The following RUNDC3A variants were observed in gnomAD, a reference collection of about 807,000 sequenced individuals.
RUNDC3A encodes RUN domain-containing protein 3A.
Under a neutral mutation model 53.9 loss-of-function variants are expected in RUNDC3A, and 28 were observed. The observed-to-expected ratio is 0.52, with a 90% CI of 0.38 to 0.71. RUNDC3A has a LOEUF of 0.71. Among genes scored for constraint, RUNDC3A ranks in the 30% least tolerant of loss-of-function variants. The probability of loss-of-function intolerance (pLI) is 0.00; values close to 1 mark genes in which losing one functional copy is unlikely to be tolerated. For synonymous variants in RUNDC3A, 232 were observed against 249.4 expected (o/e 0.93, Z 0.66); for missense variants, 491 against 597.3 (o/e 0.82, Z 1.85).
intron 4 of RUNDC3A, 53 bp from the exon 5 acceptor site, chr17:44,314,682 G>GT (rs1393771783): frequency 1.9e-5 from 24 of 1,268,174 alleles, no homozygotes; most frequent in Non-Finnish European, 2.5e-5. Context: ...TCTGGGGGGG[G>GT]GGGGGGCGCT....
intron 1 of RUNDC3A, 74 bp downstream of exon 1, chr17:44,309,013 G>T: frequency 9.8e-7 from 1 of 1,020,196 alleles, no homozygotes. Flanking sequence ...AACCCGGACT[G>T]AGCGCTGCCG....
At chr17:44,317,658 C>T in intron 10 of RUNDC3A, 4 of 678,380 alleles carry the variant, frequency 5.9e-6, no homozygotes, top group Non-Finnish European at 1.1e-5. Flanking sequence ...TATTGGATGA[C>T]CCTAGATCTT....
chr17:44,316,573 A>C, intron 9 of RUNDC3A, 46 bp from the exon 10 acceptor site: 1 of 1,580,858 alleles, frequency 6.3e-7, no homozygotes, highest in Non-Finnish European at 8.6e-7. Flanking sequence ...CGTCCTGGGG[A>C]AGAAGGGCTT....
At chr17:44,316,820 CTTTTTTTTT>C (rs35019446) in intron 10 of RUNDC3A, 95 bp downstream of exon 10, 19 of 398,444 alleles carry the variant, frequency 4.8e-5, no homozygotes, top group Non-Finnish European at 6.9e-5. Context: ...TTCTCTTAGT[CTTTTTTTTT>C]TTTTTTTTTT....
chr17:44,312,944 T>C (rs2047779089), intron 2 of RUNDC3A, among the ~76,000 whole-genome samples, 160 bp from the exon 3 acceptor site: 1 of 152,230 alleles, frequency 6.6e-6, no homozygotes, highest in Admixed American at 6.5e-5. Flanking sequence ...ATCCCCATCA[T>C]GGGCAAGCGA....
At chr17:44,309,071 T>G in intron 1 of RUNDC3A, 132 bp downstream of exon 1, 1 of 636,788 alleles carries the variant, frequency 1.6e-6, no homozygotes, top group Non-Finnish European at 2.7e-6. Context: ...GCGTCCACTG[T>G]CCCTCCCAGG....
At position 44,315,003 on chromosome 17, in the gene RUNDC3A, C is replaced by T; in HGVS notation, c.623C>T (p.Thr208Met). 6.2e-7 allele frequency: 1 copy of T among 1,613,876 alleles called. No homozygotes were observed. The highest frequency in any genetic ancestry group is 1.1e-5 in the South Asian group (1 of 91,090). Reference protein sequence around the residue: ...VIDYTPYLKFTQSYDYLTDEE... With the variant: ...VIDYTPYLKFMQSYDYLTDEE... ...GATTACACGCCCTACCTAAAGTTCA[C>T]GCAGAGGTGAGCGGCTCCATGACTG... The change falls in exon 6 of 11, where the codon ACG (threonine) becomes ATG (methionine). Residue 208 changes from threonine (T) to methionine (M), a missense_variant. Thr to Met is a moderately conservative substitution (Grantham distance 81). Coordinates refer to ENST00000426726, the MANE Select transcript of RUNDC3A (RefSeq NM_001144825.2). The surrounding 1 kb of genome is among the most constrained non-coding windows in gnomAD (Gnocchi z 6.1).
At chr17:44,314,029 T>C in intron 4 of RUNDC3A, 2 of 991,966 alleles carry the variant, frequency 2.0e-6, no homozygotes, top group Non-Finnish European at 1.2e-6. Context: ...TAATGCCCAT[T>C]ATTTGCCATC....
At chr17:44,314,646 G>A in intron 4 of RUNDC3A, 89 bp from the exon 5 acceptor site, 5 of 1,538,990 alleles carry the variant, frequency 3.2e-6, no homozygotes, top group Non-Finnish European at 4.4e-6. Flanking sequence ...TTCAGGATGG[G>A]GTGGCAGTAA....
intron 1 of RUNDC3A, among the ~76,000 whole-genome samples, chr17:44,309,603 G>T (rs1446820897): frequency 2.0e-5 from 3 of 152,104 alleles, no homozygotes; most frequent in Admixed American, 2.0e-4. Context: ...AAGTGATCCT[G>T]TTCACTTCAA....
At position 44,318,391 on chromosome 17, in the gene RUNDC3A, T is replaced by G; in HGVS notation, c.*153T>G. 1.1e-6 allele frequency: 1 copy of G among 908,416 alleles called. No individual in the cohort carries two copies. The highest frequency in any genetic ancestry group is 1.6e-6 in the Non-Finnish European group (1 of 612,122). The allele number at this position is 908,416 out of a possible 1,614,324, so 56.3% of individuals were successfully genotyped here. A position where few individuals can be genotyped will look rare whatever the true frequency, so the allele number is the denominator to read the frequency against. ...CGGGGAAGATCTCGTCTGCTCACCT[T>G]AGCTTTCTGCCTTGGCAGCACGGGC... is the stretch of plus-strand genomic sequence containing the variant. On this transcript the variant is annotated 3_prime_UTR_variant, in exon 11 of 11. Transcript: ENST00000426726.
In RUNDC3A at chr17:44,318,229, C is replaced by T. The variant is rs1441080086; in HGVS notation, c.1332C>T (p.Ser444=). The change falls in exon 11 of 11, where the codon AGC becomes AGT. Residue 444 remains serine, a synonymous_variant. Transcript: ENST00000426726. ...GTCCCGAGGGCAGCCCAGCACTGAG[C>T]CCCAGCTGAGGAACAGCATGGGCAG... ...SDSPEGSPAL[S]PS 1 of 1,550,242 alleles carries T rather than the reference C, an allele frequency of 6.5e-7. No homozygotes were observed. Among genetic ancestry groups the T allele is most frequent in the African/African-American group, 1.4e-5 (1 of 73,036 alleles).
intron 1 of RUNDC3A, among the ~76,000 whole-genome samples, chr17:44,311,930 C>T (rs973290651): frequency 6.6e-6 from 1 of 152,270 alleles, no homozygotes; most frequent in African/African-American, 2.4e-5. Flanking sequence ...ACCCCACCCC[C>T]GCCCAGCTCT....
At position 44,318,327 on chromosome 17, in the gene RUNDC3A, C is replaced by A. The variant is rs2047916978; in HGVS notation, c.*89C>A. 1 of 1,401,252 alleles carries A rather than the reference C, an allele frequency of 7.1e-7. No individual in the cohort carries two copies. Among genetic ancestry groups the A allele is most frequent in the East Asian group, 2.5e-5 (1 of 39,588 alleles). 86.8% of individuals were successfully genotyped at this position (1,401,252 alleles called of 1,614,324 possible). A position where few individuals can be genotyped will look rare whatever the true frequency, so the allele number is the denominator to read the frequency against. On this transcript the variant is annotated 3_prime_UTR_variant, in exon 11 of 11. Transcript: ENST00000426726. ...AACAAGAGTCCCCCAATCCAGGCTA[C>A]CCTTCCAGAGAACGCTACCCACCCA...
chr17:44,316,932 C>T (rs2047877498), intron 10 of RUNDC3A: 1 of 490,614 alleles, frequency 2.0e-6, no homozygotes, highest in African/African-American at 2.0e-5. Context: ...AAGGGATTCC[C>T]TTGCCTCAGC....
chr17:44,311,316 A>T (rs2047743619), intron 1 of RUNDC3A: 12 of 985,550 alleles, frequency 1.2e-5, no homozygotes, highest in Non-Finnish European at 1.4e-5. Context: ...CTTGGTCATC[A>T]CAACAGCTGC....
At position 44,313,454 on chromosome 17, in the gene RUNDC3A, C is replaced by T. The variant is rs202157280; in HGVS notation, c.409C>T (p.Arg137Cys). The change falls in exon 4 of 11, where the codon CGC (arginine) becomes TGC (cysteine). Residue 137 changes from arginine to cysteine, a missense_variant. Physicochemically the swap from Arg to Cys is radical, Grantham distance 180. Around this residue, in one of 2 missense-constraint regions of RUNDC3A, gnomAD observed 273 missense variants for 389.0 expected, o/e 0.70. Transcript: ENST00000426726. ...AWIRVALMEK[R>C]MSEYITTALR... ...GATCCGGGTGGCACTGATGGAGAAG[C>T]GCATGTCAGAATACATCACCACGGC... 1.9e-6 allele frequency: 3 copies of T among 1,613,902 alleles called. No individual in the cohort carries two copies. The highest frequency in any genetic ancestry group is 2.5e-6 in the Non-Finnish European group (3 of 1,179,874).
intron 5 of RUNDC3A, 46 bp from the exon 6 acceptor site, chr17:44,314,883 C>T: frequency 6.2e-7 from 1 of 1,613,988 alleles, no homozygotes; most frequent in East Asian, 2.2e-5. Flanking sequence ...ATGTCCTACC[C>T]CAACCCCTCA....
intron 9 of RUNDC3A, 45 bp from the exon 10 acceptor site, chr17:44,316,574 A>T: frequency 6.3e-7 from 1 of 1,579,928 alleles, no homozygotes; most frequent in Non-Finnish European, 8.6e-7. Context: ...GTCCTGGGGA[A>T]GAAGGGCTTC....
Sources: gnomAD v4.1 joint callset for allele counts (sites outside exome capture counted in the v4.1 genomes callset) on GRCh38, gnomAD v4.1.1 for gene constraint, gnomAD v4.1.1 regional missense constraint, Gnocchi (gnomAD v3.1) non-coding constraint, MANE v1.5 for transcripts, NCBI Gene and HGNC (gene_info 2026-07-23, HGNC 2026-07-21) for gene names.